The following FEZ2 variants were observed in gnomAD, a reference collection of about 807,000 sequenced individuals.
FEZ2 encodes the protein fasciculation and elongation protein zeta-2.
In FEZ2, 51 loss-of-function variants were observed where a neutral mutation model predicts 40.4. The ratio of observed to expected loss-of-function variants is 1.26; its 90% CI spans 1.01 to 1.59. The LOEUF is 1.59. Among genes scored for constraint, FEZ2 ranks in the 40% most tolerant of loss-of-function variants. FEZ2 has a pLI of 0.00. For missense variants in FEZ2, 640 were observed against 438.3 expected (o/e 1.46, Z -4.11); for synonymous variants, 242 against 172.0 (o/e 1.41, Z -3.18).
chr2:36,579,657 C>G lies in FEZ2; in HGVS notation c.635-792G>C, dbSNP rs1023790170. Among the ~76,000 whole-genome samples the G allele has an allele frequency of 2.0e-5, 3 of 152,262 alleles. No homozygotes were observed. In the South Asian group the frequency reaches 6.2e-4, roughly 32 times the overall value. ...AGGCCCCCCCAGAAGCAGATGCTAC[C>G]AGGCTTCCTGTATAGCCTGTGGAAC... is the stretch of plus-strand genomic sequence containing the variant. On this transcript the variant is annotated intron_variant, in intron 4 of 7. Transcript: ENST00000405912.
intron 3 of FEZ2, 150 bp downstream of exon 3, chr2:36,583,203 T>G (rs1343955339): frequency 2.0e-6 from 1 of 509,902 alleles, no homozygotes; most frequent in African/African-American, 1.9e-5. Flanking sequence ...CTTATTTTTC[T>G]CTGTGGAAGA....
chr2:36,597,956 G>A lies in FEZ2; in HGVS notation c.187C>T (p.Arg63Cys). 6 of 1,466,632 alleles carry A rather than the reference G, an allele frequency of 4.1e-6. No homozygotes were observed. Among genetic ancestry groups the A allele is most frequent in the Non-Finnish European group, 5.4e-6 (6 of 1,115,714 alleles). 90.9% of individuals were successfully genotyped at this position (1,466,632 alleles called of 1,614,324 possible). ...SLEEKLSLCFRPSDPGAEPPR... is the reference protein window; with the variant it reads ...SLEEKLSLCFCPSDPGAEPPR... Reference sequence around the variant, plus strand: ...GGCTCGGCGCCCGGATCCGAGGGGCGGAAGCACAGGCTCAGCTTCTCCTCC... The same window carrying A: ...GGCTCGGCGCCCGGATCCGAGGGGCAGAAGCACAGGCTCAGCTTCTCCTCC... Residue 63 changes from arginine (R) to cysteine (C), a missense_variant, in exon 1 of 8, where the codon CGC (arginine) becomes TGC (cysteine). By Grantham distance (180) the Arg-to-Cys change is radical (BLOSUM62 -3). Coordinates refer to ENST00000405912, the MANE Select transcript of FEZ2 (RefSeq NM_005102.3).
chr2:36,580,675 T>C (rs1056660518), intron 4 of FEZ2, among the ~76,000 whole-genome samples: 1 of 152,240 alleles, frequency 6.6e-6, no homozygotes, highest in Non-Finnish European at 1.5e-5. Flanking sequence ...TGAATATCTA[T>C]TCTACACTTC....
chr2:36,562,621 T>C (rs368966589), intron 5 of FEZ2, among the ~76,000 whole-genome samples: 56 of 152,352 alleles, frequency 3.7e-4, no homozygotes, highest in African/African-American at 1.3e-3. Context: ...AGCATAACTA[T>C]TAGCTTTGAT....
At chr2:36,557,916 T>C (rs1278443709) in intron 6 of FEZ2, 1 of 152,166 alleles carries the variant, frequency 6.6e-6, no homozygotes, top group Non-Finnish European at 1.5e-5. Flanking sequence ...GTATCCCAAG[T>C]GCCCAGATCA....
chr2:36,567,387 G>A (rs1181615851), intron 5 of FEZ2, among the ~76,000 whole-genome samples: 2 of 152,180 alleles, frequency 1.3e-5, no homozygotes, highest in African/African-American at 4.8e-5. Context: ...GAAGAATCTA[G>A]TCTAGGAAAG....
rs75124076 is a variant in FEZ2 at position 36,568,581 on chromosome 2, A to G, written c.903+10016T>C. Among the ~76,000 whole-genome samples, 767 of 152,280 alleles carry G rather than the reference A, an allele frequency of 5.0e-3. 3 individuals carry two copies. The highest frequency in any genetic ancestry group is 0.017 in the African/African-American group (721 of 41,546). ...ATCCATTTCCCACTACGTCTTTAGG[A>G]AGGAGTTAATAGTGCTATAAAATGC... is the stretch of plus-strand genomic sequence containing the variant. On this transcript the variant is annotated intron_variant, in intron 5 of 7. Transcript: ENST00000405912.
chr2:36,598,081 A>T lies in FEZ2; in HGVS notation c.62T>A (p.Leu21Gln), dbSNP rs1224346620. The change falls in exon 1 of 8, where the codon CTG (leucine) becomes CAG (glutamine). Residue 21 changes from leucine to glutamine, a missense_variant. Leu to Gln is a moderately radical substitution (Grantham distance 113). Coordinates refer to ENST00000405912, the MANE Select transcript of FEZ2 (RefSeq NM_005102.3). Reference protein sequence around the residue: ...YEFQEPARSLLDQENCNASPE... With the variant: ...YEFQEPARSLQDQENCNASPE... The stretch of plus-strand genomic sequence containing the variant: ...GCTCGCGTTACAGTTCTCCTGGTCC[A>T]GGAGGCTCCGGGCCGGCTCCTGGAA... 3.4e-6 allele frequency: 5 copies of T among 1,472,730 alleles called. No individual in the cohort carries two copies. The African/African-American group carries it at 8.4e-5, about 25-fold the overall frequency. The allele number at this position is 1,472,730 out of a possible 1,614,324, so 91.2% of individuals were successfully genotyped here. A position where few individuals can be genotyped will look rare whatever the true frequency, so the allele number is the denominator to read the frequency against.
At position 36,585,616 on chromosome 2, in the gene FEZ2, A is replaced by T. The variant is rs539820451; in HGVS notation, c.376-2147T>A. 2.6e-5 allele frequency among the ~76,000 whole-genome samples: 4 copies of T among 152,386 alleles called. No individual in the cohort carries two copies. In the South Asian group the frequency reaches 8.3e-4, roughly 32 times the overall value. The stretch of plus-strand genomic sequence containing the variant: ...AACTGGTCAGCTAATTATAAACTAA[A>T]TAAACCACAAAAAGGCAGGTAGTAT... On this transcript the variant is annotated intron_variant, in intron 2 of 7. Coordinates refer to ENST00000405912, the MANE Select transcript of FEZ2 (RefSeq NM_005102.3).
At chr2:36,571,042 C>T (rs1668394379) in intron 5 of FEZ2, among the ~76,000 whole-genome samples, 1 of 152,156 alleles carries the variant, frequency 6.6e-6, no homozygotes, top group African/African-American at 2.4e-5. Context: ...TTCACTATTA[C>T]CAGCCTACCA....
intron 5 of FEZ2, among the ~76,000 whole-genome samples, chr2:36,567,208 A>G (rs539321792): frequency 6.3e-4 from 96 of 152,224 alleles, no homozygotes; most frequent in African/African-American, 2.1e-3. Flanking sequence ...CAAGAGCCTT[A>G]GAGCCTATGA....
intron 7 of FEZ2, 126 bp from the exon 8 acceptor site, chr2:36,553,305 A>G (rs367973864): frequency 5.5e-5 from 40 of 728,880 alleles, no homozygotes; most frequent in Admixed American, 8.1e-5. Context: ...GCAAAGATCT[A>G]TGTAGCAATT....
At chr2:36,579,520 G>C (rs916286010) in intron 4 of FEZ2, among the ~76,000 whole-genome samples, 1 of 151,932 alleles carries the variant, frequency 6.6e-6, no homozygotes, top group Non-Finnish European at 1.5e-5. Context: ...GTTCTTATGA[G>C]ACCTGGTTGT....
At chr2:36,554,184 G>A (rs941828492) in intron 7 of FEZ2, 23 of 471,022 alleles carry the variant, frequency 4.9e-5, no homozygotes, top group South Asian at 7.7e-5. Context: ...AGGAGCCAGC[G>A]GCCCGAGCAT....
At chr2:36,572,587 A>C (rs894928913) in intron 5 of FEZ2, among the ~76,000 whole-genome samples, 2 of 152,216 alleles carry the variant, frequency 1.3e-5, no homozygotes, top group African/African-American at 4.8e-5. Flanking sequence ...ATAGCCCCAA[A>C]GCTGCTACAG....
intron 5 of FEZ2, among the ~76,000 whole-genome samples, chr2:36,570,116 G>C (rs1027139968): frequency 1.3e-5 from 2 of 151,812 alleles, no homozygotes; most frequent in Non-Finnish European, 2.9e-5. Context: ...TATTCAAATA[G>C]TTAAGATATT....
intron 4 of FEZ2, 34 bp from the exon 5 acceptor site, chr2:36,578,899 G>A: frequency 6.3e-7 from 1 of 1,575,752 alleles, no homozygotes; most frequent in Admixed American, 1.9e-5. Context: ...CAGATATTAA[G>A]ACAAAAACAT....
At chr2:36,582,322 C>T (rs1190474147) in intron 3 of FEZ2, among the ~76,000 whole-genome samples, 1 of 151,952 alleles carries the variant, frequency 6.6e-6, no homozygotes, top group African/African-American at 2.4e-5. Context: ...GGTAAGATTT[C>T]CACCAAGGAA....
rs114310509 is a variant in FEZ2 at position 36,591,252 on chromosome 2, T to C, written c.267-241A>G. ...GTGAAGCCGTACAGAAAACTGCCAA[T>C]AGGCAGTAGGCAACACTTCCATTAT... is the stretch of plus-strand genomic sequence containing the variant. On this transcript the variant is annotated intron_variant, in intron 1 of 7. Transcript: ENST00000405912. 2.7e-4 allele frequency: 135 copies of C among 507,528 alleles called. 2 individuals carry two copies. The East Asian group carries it at 4.6e-3, about 17-fold the overall frequency. The allele number at this position is 507,528 out of a possible 1,614,324, so 31.4% of individuals were successfully genotyped here.
Sources: allele counts gnomAD v4.1 joint callset (sites outside exome capture counted in the v4.1 genomes callset), GRCh38; gene constraint gnomAD v4.1.1; transcripts MANE v1.5; gene names NCBI Gene and HGNC (gene_info 2026-07-23, HGNC 2026-07-21).